ISLR2: variants seen among roughly 807,000 people sequenced by gnomAD.
ISLR2 encodes immunoglobulin superfamily containing leucine rich repeat 2.
In ISLR2, 16 loss-of-function variants were observed where a neutral mutation model predicts 25.5. The observed-to-expected ratio is 0.63, with a 90% CI of 0.43 to 0.95. ISLR2 has a LOEUF of 0.95. Ranked by LOEUF, ISLR2 falls within the 40% of genes least tolerant of loss-of-function variation. The pLI is 0.00. For synonymous variants in ISLR2, 508 were observed against 486.6 expected (o/e 1.04, Z -0.58); for missense variants, 883 against 1,030.7 (o/e 0.86, Z 1.96).
chr15:74,115,374 A>G (rs2072202572), intron 2 of ISLR2, among the ~76,000 whole-genome samples: 1 of 152,222 alleles, frequency 6.6e-6, no homozygotes, highest in Admixed American at 6.5e-5. Flanking sequence ...CGACACAAAA[A>G]CACAATGTCT....
chr15:74,120,587 G>A (rs1320632228), intron 2 of ISLR2, among the ~76,000 whole-genome samples: 1 of 151,946 alleles, frequency 6.6e-6, no homozygotes, highest in East Asian at 1.9e-4. Context: ...AGGGGGGTGT[G>A]GCTGGGTTTA....
chr15:74,101,101 C>T (rs1466796726), intron 1 of ISLR2, among the ~76,000 whole-genome samples: 1 of 41,684 alleles, frequency 2.4e-5, no homozygotes, highest in Non-Finnish European at 5.3e-5. Context: ...GATACTGGTT[C>T]CAGGACCCCA....
chr15:74,104,158 G>A (rs1595935175), intron 2 of ISLR2, among the ~76,000 whole-genome samples: 1 of 152,312 alleles, frequency 6.6e-6, no homozygotes, highest in African/African-American at 2.4e-5. Context: ...GTTCCAGAGG[G>A]TTTTAGGTCA....
rs772198266 is a variant in ISLR2 at position 74,132,959 on chromosome 15, G to T, written c.205G>T (p.Gly69Trp). The change falls in exon 3 of 3, where the codon GGG becomes TGG. Residue 69 changes from glycine (G) to tryptophan (W), a missense_variant. Gly to Trp is a radical substitution (Grantham distance 184). Around this residue, in one of 2 missense-constraint regions of ISLR2, gnomAD observed 271 missense variants for 387.9 expected, o/e 0.70. Coordinates refer to ENST00000453268, the MANE Select transcript of ISLR2 (RefSeq NM_020851.3). This position sits in a 1 kb window ranked among gnomAD's most constrained non-coding sequence, Gnocchi z 4.3. ...GAACAAGATCACTGTGCTGCGGCGC[G>T]GGGCCTTCGCCGACGTCACACAGGT... ...SANKITVLRRGAFADVTQVTS... is the reference protein window; with the variant it reads ...SANKITVLRRWAFADVTQVTS... 48 of 1,613,906 alleles carry T rather than the reference G, an allele frequency of 3.0e-5. No individual in the cohort carries two copies. The highest frequency in any genetic ancestry group is 3.7e-5 in the Non-Finnish European group (44 of 1,179,944).
At chr15:74,112,261 G>A (rs2072173965) in intron 2 of ISLR2, among the ~76,000 whole-genome samples, 1 of 152,096 alleles carries the variant, frequency 6.6e-6, no homozygotes, top group South Asian at 2.1e-4. Context: ...ATAGGACTCT[G>A]GACTATGTCC....
intron 2 of ISLR2, among the ~76,000 whole-genome samples, chr15:74,119,064 T>A (rs2072232783): frequency 6.6e-6 from 1 of 152,194 alleles, no homozygotes; most frequent in Admixed American, 6.5e-5. Flanking sequence ...AATTAGCATC[T>A]CCACCACCTC....
chr15:74,132,964 C>T lies in ISLR2; in HGVS notation c.210C>T (p.Ala70=). The T allele has an allele frequency of 1.2e-6, 2 of 1,614,034 alleles. No individual in the cohort carries two copies. The change falls in exon 3 of 3, where the codon GCC becomes GCT. Residue 70 remains alanine, a synonymous_variant. Transcript: ENST00000453268. This position sits in a 1 kb window ranked among gnomAD's most constrained non-coding sequence, Gnocchi z 4.3. ...ANKITVLRRG[A]FADVTQVTSL... ...AGATCACTGTGCTGCGGCGCGGGGC[C>T]TTCGCCGACGTCACACAGGTCACGT...
In ISLR2 at chr15:74,133,268, G is replaced by T. The variant is rs976449312; in HGVS notation, c.514G>T (p.Ala172Ser). ...GCCTGGCACCTTCGACGCGCTTAGC[G>T]CGCTGTCACACTTGCAACTCTATCA... ...LAPGTFDALS[A>S]LSHLQLYHNP... Residue 172 changes from alanine (A) to serine (S), a missense_variant, in exon 3 of 3, where the codon GCG becomes TCG. Ala to Ser is a moderately conservative substitution (Grantham distance 99, BLOSUM62 1). Transcript: ENST00000453268. The T allele has an allele frequency of 6.2e-7, 1 of 1,611,324 alleles. No homozygotes were observed. Among genetic ancestry groups the T allele is most frequent in the African/African-American group, 1.3e-5 (1 of 74,948 alleles).
intron 2 of ISLR2, among the ~76,000 whole-genome samples, chr15:74,118,705 T>G (rs1388044920): frequency 6.6e-6 from 1 of 151,942 alleles, no homozygotes; most frequent in Non-Finnish European, 1.5e-5. Flanking sequence ...TCACCCAGGC[T>G]GGAGTGCAAT....
chr15:74,137,064 G>C (rs980948606), downstream of ISLR2, among the ~76,000 whole-genome samples: 1 of 152,152 alleles, frequency 6.6e-6, no homozygotes, highest in Non-Finnish European at 1.5e-5. Context: ...AGGAAGGCGG[G>C]TGTCTGCAGA....
chr15:74,106,050 G>T (rs2072117158), intron 2 of ISLR2, among the ~76,000 whole-genome samples: 2 of 152,102 alleles, frequency 1.3e-5, no homozygotes, highest in Admixed American at 6.5e-5. Flanking sequence ...TTAAAACCGG[G>T]CTCCATGGCT....
At chr15:74,108,853 C>T (rs1413315516) in intron 2 of ISLR2, among the ~76,000 whole-genome samples, 8 of 152,006 alleles carry the variant, frequency 5.3e-5, no homozygotes, top group Admixed American at 2.6e-4. Context: ...CTGGTGGGTA[C>T]GGACGTGGAG....
At chr15:74,115,197 A>G (rs2072201430) in intron 2 of ISLR2, among the ~76,000 whole-genome samples, 1 of 151,944 alleles carries the variant, frequency 6.6e-6, no homozygotes, top group African/African-American at 2.4e-5. Context: ...TTAGAAAAGT[A>G]TTGCCTTAAT....
chr15:74,138,719 A>G (rs2072594704), downstream of ISLR2, among the ~76,000 whole-genome samples: 1 of 152,104 alleles, frequency 6.6e-6, no homozygotes, highest in Non-Finnish European at 1.5e-5. Context: ...TCTGAGGGCC[A>G]CAGCCTGAGC....
At chr15:74,119,044 A>G (rs962986681) in intron 2 of ISLR2, among the ~76,000 whole-genome samples, 4 of 152,174 alleles carry the variant, frequency 2.6e-5, no homozygotes, top group African/African-American at 9.7e-5. Flanking sequence ...ATGTGTAATG[A>G]TCAAATCATA....
intron 2 of ISLR2, among the ~76,000 whole-genome samples, chr15:74,116,207 A>T (rs1441514351): frequency 6.6e-6 from 1 of 152,104 alleles, no homozygotes; most frequent in African/African-American, 2.4e-5. Context: ...AAATAAAACA[A>T]AGAAGAATTA....
At position 74,134,498 on chromosome 15, in the gene ISLR2, T is replaced by C; in HGVS notation, c.1744T>C (p.Ser582Pro). The change falls in exon 3 of 3, where the codon TCC becomes CCC. Residue 582 changes from serine to proline, a missense_variant. By Grantham distance (74) the Ser-to-Pro change is moderately conservative. Coordinates refer to ENST00000453268, the MANE Select transcript of ISLR2 (RefSeq NM_020851.3). Reference sequence around the variant, plus strand: ...AGCCTGCCACGTGCAAGTGGTGTTTTCCACCAAGAAGGAGCTCCCATCGCT... The same window carrying C: ...AGCCTGCCACGTGCAAGTGGTGTTTCCCACCAAGAAGGAGCTCCCATCGCT... The part of the protein sequence containing the change: ...GEACHVQVVF[S>P]TKKELPSLLV... 6.2e-7 allele frequency: 1 copy of C among 1,613,734 alleles called. No homozygotes were observed. Among genetic ancestry groups the C allele is most frequent in the Non-Finnish European group, 8.5e-7 (1 of 1,179,998 alleles).
At chr15:74,119,232 A>T (rs2072234121) in intron 2 of ISLR2, among the ~76,000 whole-genome samples, 1 of 151,842 alleles carries the variant, frequency 6.6e-6, no homozygotes, top group African/African-American at 2.4e-5. Flanking sequence ...TTTTCCCCAG[A>T]CAGGGTCTTA....
chr15:74,127,630 C>A (rs1445949558), upstream of ISLR2: 1 of 152,350 alleles, frequency 6.6e-6, no homozygotes, highest in East Asian at 1.9e-4. Flanking sequence ...GTGCAGGGTT[C>A]CAGCCACATC....
Sources: gnomAD v4.1 joint callset for allele counts (sites outside exome capture counted in the v4.1 genomes callset) on GRCh38, gnomAD v4.1.1 for gene constraint, gnomAD v4.1.1 regional missense constraint, Gnocchi (gnomAD v3.1) non-coding constraint, MANE v1.5 for transcripts, NCBI Gene and HGNC (gene_info 2026-07-23, HGNC 2026-07-21) for gene names.